Variants in CSMD1 observed in about 807,000 individuals in gnomAD.
CSMD1 encodes CUB and sushi domain-containing protein 1.
A neutral mutation model predicts 417.5 loss-of-function variants in CSMD1; 213 were observed. The observed-to-expected ratio is 0.51, with a 90% CI of 0.46 to 0.57. The LOEUF is 0.57. CSMD1 is among the 20% of genes least tolerant of loss of function. The pLI is 0.00. For missense variants in CSMD1, 6,923 were observed against 4,529.7 expected (o/e 1.53, Z -15.17); for synonymous variants, 2,862 against 1,736.8 (o/e 1.65, Z -16.11).
intron 3 of CSMD1, among the ~76,000 whole-genome samples, chr8:4,041,900 T>C (rs1050691258): frequency 1.3e-5 from 2 of 152,096 alleles, no homozygotes; most frequent in African/African-American, 2.4e-5. Flanking sequence ...GTAGAATAGA[T>C]ATAGCAGAAG....
At chr8:3,621,213 C>G (rs547131012) in intron 7 of CSMD1, among the ~76,000 whole-genome samples, 14 of 152,142 alleles carry the variant, frequency 9.2e-5, no homozygotes, top group African/African-American at 3.4e-4. Context: ...CGGCGAGTAG[C>G]GTAGCACTTT....
intron 2 of CSMD1, among the ~76,000 whole-genome samples, chr8:4,505,244 C>T (rs546840989): frequency 3.9e-5 from 6 of 152,212 alleles, no homozygotes; most frequent in Admixed American, 3.3e-4. Context: ...TTTTTCCTTA[C>T]TTTATGAAAA....
intron 46 of CSMD1, among the ~76,000 whole-genome samples, chr8:3,105,305 GTCAC>G (rs145114179): frequency 0.12 from 18,528 of 152,066 alleles, 1,483 homozygotes; most frequent in Non-Finnish European, 0.18. Flanking sequence ...TTATAGCTGT[GTCAC>G]TCACCCTAAG....
chr8:4,280,986 T>C (rs918285542), intron 3 of CSMD1, among the ~76,000 whole-genome samples: 6 of 152,276 alleles, frequency 3.9e-5, no homozygotes, highest in Admixed American at 2.6e-4. Context: ...TAGAATAAAG[T>C]AGTGGTTTTT....
At chr8:3,455,415 G>C (rs1397181723) in intron 12 of CSMD1, among the ~76,000 whole-genome samples, 1 of 152,148 alleles carries the variant, frequency 6.6e-6, no homozygotes, top group Non-Finnish European at 1.5e-5. Flanking sequence ...CAGTTTTTCT[G>C]CTCTGTTTTT....
At chr8:3,957,185 G>T (rs1390692501) in intron 5 of CSMD1, among the ~76,000 whole-genome samples, 1 of 152,238 alleles carries the variant, frequency 6.6e-6, no homozygotes, top group East Asian at 1.9e-4. Context: ...TGATGTAACT[G>T]CAGAACTAAA....
At chr8:4,154,615 A>G (rs1466663212) in intron 3 of CSMD1, among the ~76,000 whole-genome samples, 2 of 152,218 alleles carry the variant, frequency 1.3e-5, no homozygotes, top group Admixed American at 1.3e-4. Flanking sequence ...TGAGCCTACA[A>G]AAGGCCTAAG....
At chr8:4,548,959 G>A (rs1797748147) in intron 2 of CSMD1, among the ~76,000 whole-genome samples, 1 of 152,026 alleles carries the variant, frequency 6.6e-6, no homozygotes, top group Non-Finnish European at 1.5e-5. Flanking sequence ...AGTTAATTTT[G>A]CATAAAGTTT....
chr8:4,259,692 C>A (rs900704679), intron 3 of CSMD1, among the ~76,000 whole-genome samples: 2 of 152,110 alleles, frequency 1.3e-5, no homozygotes, highest in African/African-American at 4.8e-5. Context: ...AATTTCTATT[C>A]ATCATGTACA....
intron 1 of CSMD1, among the ~76,000 whole-genome samples, chr8:4,709,440 A>G (rs1296428146): frequency 6.6e-6 from 1 of 152,136 alleles, no homozygotes; most frequent in Non-Finnish European, 1.5e-5. Flanking sequence ...TGGCCTCAAC[A>G]CAGGAAATAG....
intron 5 of CSMD1, among the ~76,000 whole-genome samples, chr8:3,830,606 G>T (rs112589154): frequency 8.5e-5 from 13 of 152,052 alleles, no homozygotes; most frequent in African/African-American, 3.1e-4. Flanking sequence ...AGCAACACTG[G>T]CAGAAAAATA....
chr8:4,994,411 A>G lies in CSMD1; in HGVS notation c.6T>C (p.Thr2=). The change falls in exon 1 of 70, where the codon ACT becomes ACC. Residue 2 remains threonine (T), a synonymous_variant. Coordinates refer to ENST00000635120, the MANE Select transcript of CSMD1 (RefSeq NM_033225.6). ...GCAGCGACTGGAATCTCCTCCACGC[A>G]GTCATGTCTGCAGATACTCCACACG... M[T]AWRRFQSLLL... is the part of the protein sequence containing the mutation. 1 of 1,611,948 alleles carries G rather than the reference A, an allele frequency of 6.2e-7. No individual in the cohort carries two copies. The highest frequency in any genetic ancestry group is 2.2e-5 in the East Asian group (1 of 44,850).
At chr8:3,881,861 T>C (rs375593844) in intron 5 of CSMD1, among the ~76,000 whole-genome samples, 63 of 152,160 alleles carry the variant, frequency 4.1e-4, no homozygotes, top group Admixed American at 2.0e-3. Flanking sequence ...GGGAAAAGGA[T>C]TGACTTCTCC....
chr8:3,994,277 A>C (rs934952640), intron 5 of CSMD1, among the ~76,000 whole-genome samples: 6 of 152,082 alleles, frequency 3.9e-5, no homozygotes, highest in Admixed American at 3.3e-4. Flanking sequence ...TTTTAAAGGG[A>C]GTAAATGCTC....
At chr8:4,045,121 C>G (rs908215912) in intron 3 of CSMD1, among the ~76,000 whole-genome samples, 2 of 152,142 alleles carry the variant, frequency 1.3e-5, no homozygotes, top group African/African-American at 4.8e-5. Flanking sequence ...ACATGGCAGT[C>G]ACCACCTGTG....
intron 3 of CSMD1, among the ~76,000 whole-genome samples, chr8:4,093,986 A>ATAGATAGG (rs1484109112): frequency 7.3e-6 from 1 of 137,012 alleles, no homozygotes; most frequent in East Asian, 3.5e-4. Context: ...AGATAGATAG[A>ATAGATAGG]TAGATAGATA....
At chr8:3,950,527 T>C (rs1370413731) in intron 5 of CSMD1, among the ~76,000 whole-genome samples, 2 of 152,234 alleles carry the variant, frequency 1.3e-5, no homozygotes, top group Non-Finnish European at 2.9e-5. Context: ...GCTGCCAGTT[T>C]TCTCAGCATG....
intron 3 of CSMD1, among the ~76,000 whole-genome samples, chr8:4,355,153 T>C (rs1706914540): frequency 6.6e-6 from 1 of 151,878 alleles, no homozygotes; most frequent in East Asian, 1.9e-4. Flanking sequence ...TCCCAGCTAC[T>C]CAGGAGGCTG....
In CSMD1 at chr8:3,681,537, A is replaced by G. The variant is rs58712175; in HGVS notation, c.1009+26877T>C. Reference sequence around the variant, plus strand: ...ACAAACCACTGCTCAATGAAATAAAAGAGGATACAAACAAATGGAAGAACA... The same window carrying G: ...ACAAACCACTGCTCAATGAAATAAAGGAGGATACAAACAAATGGAAGAACA... On this transcript the variant is annotated intron_variant, in intron 7 of 69. Coordinates refer to ENST00000635120, the MANE Select transcript of CSMD1 (RefSeq NM_033225.6). Among the ~76,000 whole-genome samples the G allele has an allele frequency of 8.2e-3, 1,245 of 152,344 alleles. 15 individuals carry two copies. Among genetic ancestry groups the G allele is most frequent in the African/African-American group, 0.028 (1,177 of 41,582 alleles).
Sources: gnomAD v4.1 joint callset for allele counts (sites outside exome capture counted in the v4.1 genomes callset) on GRCh38, gnomAD v4.1.1 for gene constraint, MANE v1.5 for transcripts, NCBI Gene and HGNC (gene_info 2026-07-23, HGNC 2026-07-21) for gene names.